Variants in C3orf70 observed in about 807,000 individuals in gnomAD.
The protein encoded by C3orf70 is UPF0524 protein C3orf70.
A neutral mutation model predicts 20.7 loss-of-function variants in C3orf70; 15 were observed. The observed-to-expected ratio is 0.72, with a 90% CI of 0.48 to 1.11. The LOEUF (loss-of-function observed/expected upper bound fraction) is 1.11, where lower values mean the gene tolerates loss of function less well. Ranked by LOEUF, C3orf70 falls within the 50% of genes most tolerant of loss-of-function variation. C3orf70 has a pLI of 0.00. For missense variants in C3orf70, 332 were observed against 317.6 expected (o/e 1.05, Z -0.34); for synonymous variants, 161 against 125.7 (o/e 1.28, Z -1.88).
At chr3:185,138,936 CA>C (rs1304553607) in intron 1 of C3orf70, among the ~76,000 whole-genome samples, 3 of 151,874 alleles carry the variant, frequency 2.0e-5, no homozygotes, top group African/African-American at 7.3e-5. Flanking sequence ...CATGTGTCTA[CA>C]AAAAAAGTTT....
intron 1 of C3orf70, among the ~76,000 whole-genome samples, chr3:185,115,597 C>T (rs1342177967): frequency 6.6e-6 from 1 of 152,174 alleles, no homozygotes; most frequent in African/African-American, 2.4e-5. Context: ...GGCTCAGCAC[C>T]CTCCTTTTGC....
At chr3:185,132,504 G>A (rs913473553) in intron 1 of C3orf70, among the ~76,000 whole-genome samples, 3 of 151,770 alleles carry the variant, frequency 2.0e-5, no homozygotes, top group Admixed American at 2.0e-4. Flanking sequence ...TTCCACTTTA[G>A]TTTGTTCAGA....
chr3:185,085,998 A>G (rs1175903246), intron 1 of C3orf70, among the ~76,000 whole-genome samples: 2 of 152,146 alleles, frequency 1.3e-5, no homozygotes, highest in Non-Finnish European at 2.9e-5. Context: ...TGCTTGTTGT[A>G]TATGCTGATT....
chr3:185,102,426 G>A (rs1160103339), intron 1 of C3orf70, among the ~76,000 whole-genome samples: 1 of 152,050 alleles, frequency 6.6e-6, no homozygotes, highest in South Asian at 2.1e-4. Context: ...AAACAAATGG[G>A]AAAACATTCC....
At chr3:185,142,057 A>G (rs554698155) in intron 1 of C3orf70, among the ~76,000 whole-genome samples, 118 of 152,346 alleles carry the variant, frequency 7.7e-4, no homozygotes, top group South Asian at 1.9e-3. Context: ...GTTGAGATAT[A>G]TGAAAAAGAC....
intron 1 of C3orf70, among the ~76,000 whole-genome samples, chr3:185,133,590 A>T (rs1212707922): frequency 6.6e-6 from 1 of 151,832 alleles, no homozygotes; most frequent in African/African-American, 2.4e-5. Context: ...CAAAAACACA[A>T]AAAAATTAGC....
At chr3:185,097,911 A>G (rs1169411210) in intron 1 of C3orf70, among the ~76,000 whole-genome samples, 1 of 152,220 alleles carries the variant, frequency 6.6e-6, no homozygotes, top group African/African-American at 2.4e-5. Context: ...GAAACTTACA[A>G]TTACAGCAGA....
Position 185,080,707 on chromosome 3 carries a change from G to T in C3orf70, c.*2300C>A, listed in dbSNP as rs1020542701. The T allele has an allele frequency of 2.0e-5, 3 of 152,042 alleles. No individual in the cohort carries two copies. Among genetic ancestry groups the T allele is most frequent in the Admixed American group, 2.0e-4 (3 of 15,256 alleles). 9.4% of individuals were successfully genotyped at this position (152,042 alleles called of 1,614,324 possible). ...TGCCTTCAGTGAGCCACTCATGCAC[G>T]GGAGGCACCGAGAACCTCGGGCAGG... On this transcript the variant is annotated 3_prime_UTR_variant, in exon 2 of 2. Transcript: ENST00000335012.
rs544561004 is a variant in C3orf70, at chr3:185,099,198, C to G, written c.197-15635G>C. Among the ~76,000 whole-genome samples the G allele has an allele frequency of 2.0e-5, 3 of 152,194 alleles. No individual in the cohort carries two copies. In the South Asian group the frequency reaches 6.2e-4, roughly 32 times the overall value. ...AACTTTCCCAAGTTAGCTATAGAGG[C>G]CAACATTCAAATTCAGGAAATGCAG... On this transcript the variant is annotated intron_variant, in intron 1 of 1. Transcript: ENST00000335012.
At chr3:185,115,842 G>A (rs1280085996) in intron 1 of C3orf70, among the ~76,000 whole-genome samples, 1 of 152,194 alleles carries the variant, frequency 6.6e-6, no homozygotes, top group African/African-American at 2.4e-5. Flanking sequence ...CAAAAAGAGC[G>A]CTAAAGAGAT....
chr3:185,134,165 T>C (rs1359962515), intron 1 of C3orf70, among the ~76,000 whole-genome samples: 1 of 150,400 alleles, frequency 6.6e-6, no homozygotes, highest in African/African-American at 2.5e-5. Context: ...GATATTGGGA[T>C]ACAAATGAAA....
Position 185,077,957 on chromosome 3 carries a change from G to C in C3orf70, c.*5050C>G, listed in dbSNP as rs1018396451. ...GGTAATGGCCATACGCTATTTCCTAGCACGTAGGAAAGACCTGATATATAA... is the reference window on the plus strand; with the variant it reads ...GGTAATGGCCATACGCTATTTCCTACCACGTAGGAAAGACCTGATATATAA... On this transcript the variant is annotated 3_prime_UTR_variant, in exon 2 of 2. Transcript: ENST00000335012. 6.6e-6 allele frequency: 1 copy of C among 152,178 alleles called. No homozygotes were observed. The highest frequency in any genetic ancestry group is 2.4e-5 in the African/African-American group (1 of 41,378). The allele number at this position is 152,178 out of a possible 1,614,324, so 9.4% of individuals were successfully genotyped here.
At chr3:185,084,137 C>T (rs537276862) in intron 1 of C3orf70, among the ~76,000 whole-genome samples, 5 of 151,318 alleles carry the variant, frequency 3.3e-5, no homozygotes, top group Admixed American at 2.0e-4. Flanking sequence ...GAGCCGAGAT[C>T]GTGCCACTGC....
In C3orf70 at chr3:185,079,288, A is replaced by AAAAATAAATAAAAT. The variant is rs1553918791; in HGVS notation, c.*3718_*3719insATTTTATTTATTTT. 2 of 148,008 alleles carry AAAAATAAATAAAAT rather than the reference A, an allele frequency of 1.4e-5. No individual in the cohort carries two copies. The highest frequency in any genetic ancestry group is 5.1e-5 in the African/African-American group (2 of 38,886). The allele number at this position is 148,008 out of a possible 1,614,324, so 9.2% of individuals were successfully genotyped here. ...GGAGCGAGACTCTGTCTCAAAAAAA[A>AAAAATAAATAAAAT]AAAAAAAAAAAAAAAAGTAAAGCCA... On this transcript the variant is annotated 3_prime_UTR_variant, in exon 2 of 2. Transcript: ENST00000335012.
chr3:185,128,518 C>A, intron 1 of C3orf70, among the ~76,000 whole-genome samples: 1 of 144,512 alleles, frequency 6.9e-6, no homozygotes, highest in African/African-American at 2.6e-5. Context: ...CAGAGCGAGA[C>A]TGTTTCGGAA....
intron 1 of C3orf70, among the ~76,000 whole-genome samples, chr3:185,096,470 A>G (rs1046705503): frequency 6.6e-6 from 1 of 152,204 alleles, no homozygotes; most frequent in Non-Finnish European, 1.5e-5. Context: ...CCAGAGTACA[A>G]TAAGACTATG....
chr3:185,126,458 T>C (rs1445280705), intron 1 of C3orf70, among the ~76,000 whole-genome samples: 1 of 152,156 alleles, frequency 6.6e-6, no homozygotes, highest in East Asian at 1.9e-4. Flanking sequence ...AACAGCATCA[T>C]TACTGTCAGT....
intron 1 of C3orf70, among the ~76,000 whole-genome samples, chr3:185,090,257 C>T (rs1715538152): frequency 6.6e-6 from 1 of 151,736 alleles, no homozygotes; most frequent in South Asian, 2.1e-4. Context: ...GGTTGTAGAG[C>T]ACAAAGGGAA....
chr3:185,139,556 A>AG (rs1214754404), intron 1 of C3orf70, among the ~76,000 whole-genome samples: 2 of 151,860 alleles, frequency 1.3e-5, no homozygotes, highest in African/African-American at 2.4e-5. Flanking sequence ...GTCTCAAAAA[A>AG]AAAAAAAAAA....
Sources: gnomAD v4.1 joint callset for allele counts (sites outside exome capture counted in the v4.1 genomes callset) on GRCh38, gnomAD v4.1.1 for gene constraint, MANE v1.5 for transcripts, NCBI Gene and HGNC (gene_info 2026-07-23, HGNC 2026-07-21) for gene names.